Variants in SLC16A9 observed in about 807,000 individuals in gnomAD.
The protein encoded by SLC16A9 is solute carrier family 16 member 9.
In SLC16A9, 26 loss-of-function variants were observed where a neutral mutation model predicts 44.3. The observed-to-expected ratio is 0.59, with a 90% CI of 0.43 to 0.81. The LOEUF is 0.81. SLC16A9 is among the 40% of genes least tolerant of loss of function. The pLI, the probability that SLC16A9 is intolerant of heterozygous loss-of-function variation, is 0.00. For synonymous variants in SLC16A9, 230 were observed against 225.1 expected, an observed-to-expected ratio of 1.02 and a Z score of -0.19; for missense variants, 559 against 595.8, an observed-to-expected ratio of 0.94 and a Z score of 0.64.
intron 2 of SLC16A9, among the ~76,000 whole-genome samples, chr10:59,683,144 A>T (rs1414349113): frequency 6.6e-6 from 1 of 152,204 alleles, no homozygotes; most frequent in Non-Finnish European, 1.5e-5. Context: ...TTTTCCCCAT[A>T]AGAATAGAGA....
rs932435765 is a variant in SLC16A9, at chr10:59,684,359, A to G, written c.-36-32T>C. The G allele has an allele frequency of 1.1e-5, 15 of 1,386,924 alleles. No homozygotes were observed. The Admixed American group carries it at 2.5e-4, about 23-fold the overall frequency. The allele number at this position is 1,386,924 out of a possible 1,614,324, so 85.9% of individuals were successfully genotyped here. A position where few individuals can be genotyped will look rare whatever the true frequency, so the allele number is the denominator to read the frequency against. Reference sequence around the variant, plus strand: ...AAAAACAAACAGAAAAGAGAATCTTATTTAGAGTGTGGTAGGGCACAGCGC... The same window carrying G: ...AAAAACAAACAGAAAAGAGAATCTTGTTTAGAGTGTGGTAGGGCACAGCGC... On this transcript the variant is annotated intron_variant, in intron 1 of 5. Transcript: ENST00000395348.
At chr10:59,663,224 G>C (rs1039145553) in intron 4 of SLC16A9, among the ~76,000 whole-genome samples, 1 of 152,138 alleles carries the variant, frequency 6.6e-6, no homozygotes, top group African/African-American at 2.4e-5. Context: ...AGCTGGGCTT[G>C]GTGGCACATG....
intron 2 of SLC16A9, among the ~76,000 whole-genome samples, chr10:59,679,007 A>G (rs76895704): frequency 0.03 from 4,600 of 152,234 alleles, 128 homozygotes; most frequent in Non-Finnish European, 0.044. Context: ...GGGCCTGGCC[A>G]TACTGACTCA....
intron 1 of SLC16A9, among the ~76,000 whole-genome samples, chr10:59,694,801 A>AATAT (rs1554874045): frequency 0.48 from 34,743 of 72,578 alleles, 11,243 homozygotes; most frequent in East Asian, 0.79. Flanking sequence ...CTCCATCTCA[A>AATAT]ATATATATAT....
At chr10:59,700,581 A>G (rs1287663915) in intron 1 of SLC16A9, among the ~76,000 whole-genome samples, 3 of 152,228 alleles carry the variant, frequency 2.0e-5, no homozygotes, top group Non-Finnish European at 4.4e-5. Context: ...GGGGATTTCA[A>G]GCCTGGCCAT....
intron 3 of SLC16A9, among the ~76,000 whole-genome samples, chr10:59,664,578 C>T (rs148008830): frequency 8.5e-5 from 13 of 152,192 alleles, no homozygotes; most frequent in African/African-American, 2.2e-4. Context: ...GAATGAATAA[C>T]GCCAATGTAA....
intron 1 of SLC16A9, among the ~76,000 whole-genome samples, chr10:59,704,645 G>A (rs1840599347): frequency 6.6e-6 from 1 of 152,230 alleles, no homozygotes; most frequent in African/African-American, 2.4e-5. Flanking sequence ...CAGACACTGA[G>A]ATACATTGGT....
chr10:59,706,743 C>T (rs190647075), intron 1 of SLC16A9, among the ~76,000 whole-genome samples: 161 of 151,980 alleles, frequency 1.1e-3, no homozygotes, highest in Non-Finnish European at 1.9e-3. Flanking sequence ...GAGGCTGAGG[C>T]GGGTTGATCA....
At chr10:59,698,072 G>A (rs1840441348) in intron 1 of SLC16A9, among the ~76,000 whole-genome samples, 1 of 151,898 alleles carries the variant, frequency 6.6e-6, no homozygotes, top group Admixed American at 6.6e-5. Context: ...GGAACTTAAG[G>A]GATTTCTGGT....
intron 1 of SLC16A9, among the ~76,000 whole-genome samples, chr10:59,693,720 C>T (rs1351132063): frequency 6.8e-6 from 1 of 146,108 alleles, no homozygotes; most frequent in African/African-American, 2.5e-5. Context: ...CCCAGGTTCA[C>T]GTCATTCTCC....
intron 1 of SLC16A9, among the ~76,000 whole-genome samples, chr10:59,693,402 AT>A (rs1382300684): frequency 3.3e-5 from 5 of 151,652 alleles, no homozygotes; most frequent in African/African-American, 9.8e-5. Context: ...AGTCAAAAAA[AT>A]ATACTTATAT....
chr10:59,664,697 C>T (rs973431565), intron 3 of SLC16A9, among the ~76,000 whole-genome samples: 1 of 152,158 alleles, frequency 6.6e-6, no homozygotes, highest in African/African-American at 2.4e-5. Flanking sequence ...GTCCTTGCCC[C>T]CAGCTCAGTG....
Position 59,684,257 on chromosome 10 carries a change from C to A in SLC16A9, c.35G>T (p.Gly12Val). Residue 12 changes from glycine (G) to valine (V), a missense_variant, in exon 2 of 6, where the codon GGC becomes GTC. Physicochemically the swap from Gly to Val is moderately radical, Grantham distance 109. Coordinates refer to ENST00000395348, the MANE Select transcript of SLC16A9 (RefSeq NM_194298.3). ...GAAGGAGACAAACACAATCACCCAG[C>A]CCCATCCACCGTCAGGCGACTTTTT... ...ELKKSPDGGW[G>V]WVIVFVSFLT... 2 of 1,613,674 alleles carry A rather than the reference C, an allele frequency of 1.2e-6. No homozygotes were observed.
In SLC16A9 at chr10:59,682,545, T is replaced by C. The variant is rs528441018; in HGVS notation, c.196+1551A>G. On this transcript the variant is annotated intron_variant, in intron 2 of 5. Coordinates refer to ENST00000395348, the MANE Select transcript of SLC16A9 (RefSeq NM_194298.3). ...GCCCTCTACTCCAACCTGGACAGAC[T>C]TGTGAAAAGAAGCTTCATTCTTCAA... Among the ~76,000 whole-genome samples the C allele has an allele frequency of 2.0e-5, 3 of 152,314 alleles. No homozygotes were observed. The South Asian group carries it at 6.2e-4, about 32-fold the overall frequency.
At chr10:59,685,941 A>G (rs1840121618) in intron 1 of SLC16A9, among the ~76,000 whole-genome samples, 2 of 150,874 alleles carry the variant, frequency 1.3e-5, no homozygotes, top group Non-Finnish European at 2.9e-5. Flanking sequence ...TGGTTTTAAA[A>G]TAGCATTTCA....
Position 59,664,340 on chromosome 10 carries a change from T to A in SLC16A9, c.341-18A>T. 4 of 1,553,724 alleles carry A rather than the reference T, an allele frequency of 2.6e-6. No homozygotes were observed. The highest frequency in any genetic ancestry group is 3.5e-6 in the Non-Finnish European group (4 of 1,131,508). ...TCCAAGACCTAAGCATGAGAAGACA[T>A]TGCATAAATTAAGACGCTGCATTAC... On this transcript the variant is annotated intron_variant, in intron 3 of 5. Transcript: ENST00000395348.
At chr10:59,709,359 T>A (rs995780528) in intron 1 of SLC16A9, 120 bp downstream of exon 1, 2 of 152,444 alleles carry the variant, frequency 1.3e-5, no homozygotes, top group Admixed American at 6.5e-5. Flanking sequence ...CCCGGTTCCA[T>A]GCTGCTCCAC....
chr10:59,686,792 A>T (rs1171656), intron 1 of SLC16A9, among the ~76,000 whole-genome samples: 107,464 of 151,966 alleles, frequency 0.71, 38,268 homozygotes, highest in South Asian at 0.81. Context: ...TTCCTTTTTT[A>T]TAAAATCAAA....
chr10:59,669,217 G>A (rs1839690977), intron 3 of SLC16A9, among the ~76,000 whole-genome samples: 1 of 152,154 alleles, frequency 6.6e-6, no homozygotes, highest in African/African-American at 2.4e-5. Context: ...AGAGGCTTGA[G>A]CAAATCATTA....
Sources: allele counts gnomAD v4.1 joint callset (sites outside exome capture counted in the v4.1 genomes callset), GRCh38; gene constraint gnomAD v4.1.1; transcripts MANE v1.5; gene names NCBI Gene and HGNC (gene_info 2026-07-23, HGNC 2026-07-21).